B3GALT1: variants seen among roughly 807,000 people sequenced by gnomAD.
B3GALT1 encodes beta-1,3-galactosyltransferase 1, also known as UDP-Gal:betaGlcNAc beta 1,3-galactosyltransferase, polypeptide 1.
A neutral mutation model predicts 23.2 loss-of-function variants in B3GALT1; 10 were observed. The ratio of observed to expected loss-of-function variants is 0.43; its 90% CI spans 0.27 to 0.73. The LOEUF is 0.73. B3GALT1 is among the 30% of genes least tolerant of loss of function. B3GALT1 has a pLI of 0.21. For synonymous variants in B3GALT1, 156 were observed against 141.5 expected (o/e 1.10, Z -0.73); for missense variants, 299 against 405.4 (o/e 0.74, Z 2.25).
chr2:167,333,497 T>C lies in B3GALT1; in HGVS notation c.-511+40163T>C, dbSNP rs772034942. Among the ~76,000 whole-genome samples, 5 of 152,196 alleles carry C rather than the reference T, an allele frequency of 3.3e-5. No individual in the cohort carries two copies. The East Asian group carries it at 7.7e-4, about 23-fold the overall frequency. On this transcript the variant is annotated intron_variant, in intron 1 of 4. Transcript: ENST00000392690. ...TGACAGTCTGAGAACCAGTGTTAGA[T>C]TGATCGTTGAATCATGATTCTAAGG...
At chr2:167,607,943 T>G (rs1222754193) in intron 2 of B3GALT1, among the ~76,000 whole-genome samples, 2 of 152,162 alleles carry the variant, frequency 1.3e-5, no homozygotes, top group African/African-American at 4.8e-5. Context: ...CTTAGTGCAA[T>G]TATCCTTCCA....
chr2:167,561,490 C>T (rs1225668648), intron 2 of B3GALT1, among the ~76,000 whole-genome samples: 1 of 151,828 alleles, frequency 6.6e-6, no homozygotes, highest in African/African-American at 2.4e-5. Flanking sequence ...ACACAAAAAA[C>T]CCTTCAAAAA....
At chr2:167,385,821 T>A (rs1329694699) in intron 1 of B3GALT1, among the ~76,000 whole-genome samples, 1 of 152,158 alleles carries the variant, frequency 6.6e-6, no homozygotes, top group African/African-American at 2.4e-5. Context: ...GAATTCCACT[T>A]TGCAGCTCGG....
At chr2:167,612,878 G>T (rs1685092530) in intron 2 of B3GALT1, among the ~76,000 whole-genome samples, 1 of 151,958 alleles carries the variant, frequency 6.6e-6, no homozygotes, top group Admixed American at 6.6e-5. Context: ...TATTGAGAAA[G>T]CAAGATTGAA....
Position 167,393,102 on chromosome 2 carries a change from T to C in B3GALT1, c.-510-97075T>C, listed in dbSNP as rs552221402. ...ACAAAAAATTAGCCAGACGTGGTGG[T>C]GGGTGCCTGTAGTCCCAGCTGCTTG... is the stretch of plus-strand genomic sequence containing the variant. On this transcript the variant is annotated intron_variant, in intron 1 of 4. Transcript: ENST00000392690. Among the ~76,000 whole-genome samples, 823 of 152,108 alleles carry C rather than the reference T, an allele frequency of 5.4e-3. 8 individuals carry two copies. The highest frequency in any genetic ancestry group is 0.018 in the African/African-American group (751 of 41,508).
At position 167,458,279 on chromosome 2, in the gene B3GALT1, T is replaced by C. The variant is rs115445608; in HGVS notation, c.-510-31898T>C. 5.8e-3 allele frequency among the ~76,000 whole-genome samples: 884 copies of C among 152,354 alleles called. 9 individuals carry two copies. Among genetic ancestry groups the C allele is most frequent in the African/African-American group, 0.02 (848 of 41,576 alleles). On this transcript the variant is annotated intron_variant, in intron 1 of 4. Coordinates refer to ENST00000392690, the MANE Select transcript of B3GALT1 (RefSeq NM_020981.4). ...CTCAACTTTCATCTGTGTTGTAGCA[T>C]GTGTCAGAAGTTTCTTTTTAAGGCT...
At chr2:167,445,282 C>T (rs896887616) in intron 1 of B3GALT1, among the ~76,000 whole-genome samples, 1 of 152,154 alleles carries the variant, frequency 6.6e-6, no homozygotes, top group African/African-American at 2.4e-5. Context: ...GCTTTACTTC[C>T]ACCTACGTGG....
chr2:167,530,974 T>C (rs1683316562), intron 2 of B3GALT1, among the ~76,000 whole-genome samples: 1 of 152,206 alleles, frequency 6.6e-6, no homozygotes, highest in African/African-American at 2.4e-5. Flanking sequence ...GTTGAATGGA[T>C]TGCATGTGAA....
chr2:167,766,434 A>T (rs947096077), intron 3 of B3GALT1, among the ~76,000 whole-genome samples: 2 of 152,210 alleles, frequency 1.3e-5, no homozygotes, highest in Non-Finnish European at 2.9e-5. Context: ...TTAAAAATGT[A>T]AACTTTATTT....
chr2:167,731,504 A>G (rs1687408866), intron 3 of B3GALT1, among the ~76,000 whole-genome samples: 1 of 152,124 alleles, frequency 6.6e-6, no homozygotes, highest in Admixed American at 6.6e-5. Context: ...AGTCACTTTG[A>G]GCCTTGTGTG....
At chr2:167,427,642 T>A (rs1698643316) in intron 1 of B3GALT1, among the ~76,000 whole-genome samples, 1 of 152,180 alleles carries the variant, frequency 6.6e-6, no homozygotes, top group South Asian at 2.1e-4. Flanking sequence ...GCTCAAGTGA[T>A]CCTCCCCTCT....
At chr2:167,505,872 C>T (rs1006994452) in intron 2 of B3GALT1, among the ~76,000 whole-genome samples, 2 of 152,048 alleles carry the variant, frequency 1.3e-5, no homozygotes, top group Non-Finnish European at 2.9e-5. Context: ...CCAGCCTGCC[C>T]AACCTGGTGA....
At chr2:167,339,305 A>G (rs76691820) in intron 1 of B3GALT1, among the ~76,000 whole-genome samples, 5,788 of 152,272 alleles carry the variant, frequency 0.038, 318 homozygotes, top group African/African-American at 0.12. Flanking sequence ...TGCGCAGGTA[A>G]TACAAATGTA....
chr2:167,707,035 C>G (rs1686976440), intron 3 of B3GALT1, among the ~76,000 whole-genome samples: 1 of 152,190 alleles, frequency 6.6e-6, no homozygotes, highest in African/African-American at 2.4e-5. Context: ...GAAGTCCAAA[C>G]AGCCTGTGGA....
At chr2:167,804,299 C>G (rs972388145) in intron 3 of B3GALT1, among the ~76,000 whole-genome samples, 1 of 149,578 alleles carries the variant, frequency 6.7e-6, no homozygotes, top group South Asian at 2.1e-4. Flanking sequence ...CTCAAAATTT[C>G]TTTTTTGTTT....
chr2:167,575,748 G>A (rs1684370714), intron 2 of B3GALT1, among the ~76,000 whole-genome samples: 1 of 151,748 alleles, frequency 6.6e-6, no homozygotes, highest in Admixed American at 6.6e-5. Context: ...GGCTTACTCA[G>A]TTATTTCACT....
chr2:167,647,053 G>GA (rs1685759207), intron 3 of B3GALT1, among the ~76,000 whole-genome samples, 87 bp downstream of exon 3: 2 of 151,988 alleles, frequency 1.3e-5, no homozygotes, highest in Non-Finnish European at 1.5e-5. Context: ...TTCCATACTA[G>GA]AAAATTGCCT....
At chr2:167,687,465 T>G (rs1225167497) in intron 3 of B3GALT1, among the ~76,000 whole-genome samples, 1 of 152,102 alleles carries the variant, frequency 6.6e-6, no homozygotes, top group African/African-American at 2.4e-5. Context: ...AAGGTTTTTG[T>G]TGCTACTTTA....
At chr2:167,691,721 A>C (rs2105501744) in intron 3 of B3GALT1, among the ~76,000 whole-genome samples, 1 of 152,318 alleles carries the variant, frequency 6.6e-6, no homozygotes, top group Non-Finnish European at 1.5e-5. Context: ...CTTCTATGGA[A>C]GACTAAAAAA....
Sources: allele counts gnomAD v4.1 joint callset (sites outside exome capture counted in the v4.1 genomes callset), GRCh38; gene constraint gnomAD v4.1.1; transcripts MANE v1.5; gene names NCBI Gene and HGNC (gene_info 2026-07-23, HGNC 2026-07-21).